ASAP1: variants seen among roughly 807,000 people sequenced by gnomAD.
ASAP1 encodes the protein arf-GAP with SH3 domain, ANK repeat and PH domain-containing protein 1.
ASAP1 carries 43 observed loss-of-function variants against 145.2 expected under a neutral mutation model. The ratio of observed to expected loss-of-function variants is 0.30; its 90% CI spans 0.23 to 0.38. ASAP1 has a LOEUF of 0.38. Ranked by LOEUF, ASAP1 falls within the 10% of genes least tolerant of loss-of-function variation. ASAP1 has a pLI of 1.00. For missense variants in ASAP1, 1,018 were observed against 1,355.3 expected (o/e 0.75, Z 3.91); for synonymous variants, 546 against 515.5 (o/e 1.06, Z -0.80).
intron 25 of ASAP1, among the ~76,000 whole-genome samples, chr8:130,090,275 C>T (rs1210913351): frequency 1.4e-5 from 2 of 143,398 alleles, no homozygotes; most frequent in Non-Finnish European, 3.0e-5. Context: ...AATAAAGCCA[C>T]TTAAACAAGA....
intron 4 of ASAP1, among the ~76,000 whole-genome samples, chr8:130,225,710 G>A (rs544760085): frequency 1.1e-4 from 17 of 152,252 alleles, no homozygotes; most frequent in Admixed American, 9.2e-4. Context: ...AGTAGACTTG[G>A]GGTGTGGACA....
intron 2 of ASAP1, among the ~76,000 whole-genome samples, chr8:130,379,742 T>C (rs1827679489): frequency 6.6e-6 from 1 of 152,172 alleles, no homozygotes; most frequent in African/African-American, 2.4e-5. Flanking sequence ...GCCTGTGCCA[T>C]TCCTGCTGAG....
intron 2 of ASAP1, among the ~76,000 whole-genome samples, chr8:130,364,907 C>T (rs1468136293): frequency 6.6e-6 from 1 of 152,172 alleles, no homozygotes; most frequent in African/African-American, 2.4e-5. Flanking sequence ...CTCAGCACTC[C>T]AGCCTGGACA....
intron 1 of ASAP1, among the ~76,000 whole-genome samples, chr8:130,425,360 T>C (rs1366113697): frequency 6.6e-6 from 1 of 150,404 alleles, no homozygotes; most frequent in Non-Finnish European, 1.5e-5. Flanking sequence ...TAAATAAAAA[T>C]ACAAAAATAA....
chr8:130,388,555 C>A (rs1260163838), intron 2 of ASAP1, among the ~76,000 whole-genome samples: 1 of 152,136 alleles, frequency 6.6e-6, no homozygotes. Context: ...ATTTGCATGT[C>A]TGTATAATTT....
intron 27 of ASAP1, among the ~76,000 whole-genome samples, chr8:130,068,209 G>T (rs2097434348): frequency 6.6e-6 from 1 of 152,218 alleles, no homozygotes; most frequent in Non-Finnish European, 1.5e-5. Flanking sequence ...TTAATCCCTG[G>T]TTATTGTTGT....
chr8:130,195,783 T>G (rs1445691169), intron 5 of ASAP1, among the ~76,000 whole-genome samples: 1 of 152,210 alleles, frequency 6.6e-6, no homozygotes, highest in Non-Finnish European at 1.5e-5. Flanking sequence ...TTCCTTACAA[T>G]TGCTTCAACA....
At chr8:130,074,375 G>A (rs1286139324) in intron 27 of ASAP1, among the ~76,000 whole-genome samples, 4 of 151,354 alleles carry the variant, frequency 2.6e-5, no homozygotes, top group African/African-American at 9.7e-5. Context: ...GGAGGCTGCA[G>A]GATACTATTC....
At chr8:130,322,862 A>T (rs1424111287) in intron 3 of ASAP1, among the ~76,000 whole-genome samples, 1 of 152,190 alleles carries the variant, frequency 6.6e-6, no homozygotes, top group Non-Finnish European at 1.5e-5. Flanking sequence ...GTGGGAAAAG[A>T]TCATTTCCAG....
At chr8:130,248,163 C>G (rs968174978) in intron 3 of ASAP1, among the ~76,000 whole-genome samples, 1 of 152,170 alleles carries the variant, frequency 6.6e-6, no homozygotes, top group African/African-American at 2.4e-5. Context: ...AATCCTAACT[C>G]TGGCCCATTG....
intron 3 of ASAP1, among the ~76,000 whole-genome samples, chr8:130,241,325 A>G (rs1818514770): frequency 6.6e-6 from 1 of 152,084 alleles, no homozygotes; most frequent in Non-Finnish European, 1.5e-5. Flanking sequence ...CCATAGTGTT[A>G]CCACATCCTG....
At chr8:130,388,701 T>G (rs1248726465) in intron 2 of ASAP1, among the ~76,000 whole-genome samples, 3 of 152,044 alleles carry the variant, frequency 2.0e-5, no homozygotes, top group Non-Finnish European at 4.4e-5. Flanking sequence ...AACCGTGTTT[T>G]TAGAGGAAGG....
intron 3 of ASAP1, among the ~76,000 whole-genome samples, chr8:130,280,415 T>A (rs1349922747): frequency 6.6e-6 from 1 of 152,244 alleles, no homozygotes; most frequent in Non-Finnish European, 1.5e-5. Context: ...GGTTATGGAA[T>A]CTTTTGACAA....
At chr8:130,368,410 A>G (rs1827060206) in intron 2 of ASAP1, among the ~76,000 whole-genome samples, 1 of 152,252 alleles carries the variant, frequency 6.6e-6, no homozygotes, top group South Asian at 2.1e-4. Flanking sequence ...GACTTTTAGC[A>G]TACTGACTAC....
rs1249612252 is a variant in ASAP1, at chr8:130,368,775, C to T, written c.60-10632G>A. Among the ~76,000 whole-genome samples, 8 of 152,302 alleles carry T rather than the reference C, an allele frequency of 5.3e-5. No homozygotes were observed. In the East Asian group the frequency reaches 7.7e-4, roughly 15 times the overall value. The stretch of plus-strand genomic sequence containing the variant: ...CATAACCAAAAGATGGCAAGAGATG[C>T]GGGAGAGTCGTGGTGACCTCATTTG... On this transcript the variant is annotated intron_variant, in intron 2 of 29. Coordinates refer to ENST00000518721, the MANE Select transcript of ASAP1 (RefSeq NM_018482.4).
At chr8:130,305,536 G>T (rs1223503428) in intron 3 of ASAP1, among the ~76,000 whole-genome samples, 1 of 152,030 alleles carries the variant, frequency 6.6e-6, no homozygotes, top group Non-Finnish European at 1.5e-5. Context: ...GCTAATTTTT[G>T]TATTTTTAGT....
intron 13 of ASAP1, among the ~76,000 whole-genome samples, chr8:130,146,313 CCTTAGCATAT>C (rs2097630188): frequency 6.6e-6 from 1 of 151,906 alleles, no homozygotes; most frequent in Non-Finnish European, 1.5e-5. Context: ...CCTTTTTACC[CCTTAGCATAT>C]ACCTTCGTAT....
intron 1 of ASAP1, among the ~76,000 whole-genome samples, chr8:130,428,418 TCAC>T (rs1830006289): frequency 7.7e-6 from 1 of 129,842 alleles, no homozygotes; most frequent in African/African-American, 3.3e-5. Context: ...ACCACCACCA[TCAC>T]CATCATCATC....
intron 1 of ASAP1, among the ~76,000 whole-genome samples, chr8:130,431,773 C>G (rs1003331365): frequency 2.0e-5 from 3 of 149,314 alleles, no homozygotes; most frequent in Non-Finnish European, 4.4e-5. Context: ...CAACAGCTGG[C>G]AAATGGTAGG....
Sources: gnomAD v4.1 joint callset for allele counts (sites outside exome capture counted in the v4.1 genomes callset) on GRCh38, gnomAD v4.1.1 for gene constraint, MANE v1.5 for transcripts, NCBI Gene and HGNC (gene_info 2026-07-23, HGNC 2026-07-21) for gene names.